Variants in PGCKA1 observed in about 807,000 individuals in gnomAD.
PGCKA1 encodes the protein PDCD10 and GCKIII kinases associated 1.
chr4:37,477,481 G>A, the PGCKA1 span, among the ~76,000 whole-genome samples: 5 of 152,188 alleles, frequency 3.3e-5, no homozygotes, highest in South Asian at 8.3e-4. Flanking sequence ...TTGTGGTAAC[G>A]GTGGCACAAC....
the PGCKA1 span, among the ~76,000 whole-genome samples, chr4:37,538,855 T>C: frequency 6.6e-6 from 1 of 152,218 alleles, no homozygotes; most frequent in African/African-American, 2.4e-5. Flanking sequence ...TGGCCTGTTA[T>C]AGTCAGCACT....
chr4:37,524,707 T>C, the PGCKA1 span, among the ~76,000 whole-genome samples: 35 of 152,318 alleles, frequency 2.3e-4, 1 homozygote, highest in Admixed American at 2.2e-3. Flanking sequence ...GGTGATAATT[T>C]CTTATGTGAT....
the PGCKA1 span, among the ~76,000 whole-genome samples, chr4:37,517,832 A>G: frequency 6.6e-6 from 1 of 152,334 alleles, no homozygotes; most frequent in South Asian, 2.1e-4. Context: ...CTCTTGTGCT[A>G]TCAAATATTA....
chr4:37,579,143 C>A, the PGCKA1 span, among the ~76,000 whole-genome samples: 48 of 151,840 alleles, frequency 3.2e-4, no homozygotes, highest in Middle Eastern at 6.8e-3. Context: ...GAAAAAAAAC[C>A]AAAAACAAAA....
At chr4:37,537,000 G>A in the PGCKA1 span, among the ~76,000 whole-genome samples, 2 of 152,206 alleles carry the variant, frequency 1.3e-5, no homozygotes, top group South Asian at 2.1e-4. Context: ...ATGGCAGCAG[G>A]GCCCTTGCCT....
the PGCKA1 span, among the ~76,000 whole-genome samples, chr4:37,544,317 G>A: frequency 2.6e-5 from 4 of 152,112 alleles, no homozygotes; most frequent in East Asian, 1.9e-4. Context: ...GATGTATGTT[G>A]ATTTTGATTC....
chr4:37,456,813 G>A, the PGCKA1 span, among the ~76,000 whole-genome samples: 21 of 152,224 alleles, frequency 1.4e-4, no homozygotes, highest in African/African-American at 4.8e-4. Context: ...GAATGAAACA[G>A]GAAAGATACA....
At chr4:37,454,309 C>CCAAG in the PGCKA1 span, among the ~76,000 whole-genome samples, 7 of 152,140 alleles carry the variant, frequency 4.6e-5, no homozygotes, top group African/African-American at 1.4e-4. Flanking sequence ...AAACCAAAGA[C>CCAAG]CAAGGCGTTT....
the PGCKA1 span, among the ~76,000 whole-genome samples, chr4:37,492,234 T>A: frequency 6.6e-6 from 1 of 152,134 alleles, no homozygotes; most frequent in African/African-American, 2.4e-5. This position sits in a 1 kb window ranked among gnomAD's most constrained non-coding sequence, Gnocchi z 4.7. Flanking sequence ...ATTTTTCTTT[T>A]ACCTCCATAG....
the PGCKA1 span, among the ~76,000 whole-genome samples, chr4:37,459,123 A>C: frequency 1.3e-5 from 2 of 152,162 alleles, no homozygotes; most frequent in African/African-American, 2.4e-5. Context: ...ACTAAGTATT[A>C]TACGGCTCAG....
chr4:37,469,817 T>A, the PGCKA1 span, among the ~76,000 whole-genome samples: 1 of 152,174 alleles, frequency 6.6e-6, no homozygotes, highest in Non-Finnish European at 1.5e-5. Context: ...GCTATTTGAG[T>A]CAGTCTGCTC....
At chr4:37,541,044 G>T in the PGCKA1 span, among the ~76,000 whole-genome samples, 3 of 147,970 alleles carry the variant, frequency 2.0e-5, no homozygotes, top group African/African-American at 7.5e-5. Context: ...TGTCTGCAGA[G>T]AAGTCCCAGG....
chr4:37,466,569 A>G, the PGCKA1 span, among the ~76,000 whole-genome samples: 1 of 152,216 alleles, frequency 6.6e-6, no homozygotes, highest in African/African-American at 2.4e-5. Context: ...GAAGAGATCA[A>G]TTAAGGGACT....
the PGCKA1 span, among the ~76,000 whole-genome samples, chr4:37,474,145 T>C: frequency 5.9e-5 from 9 of 152,278 alleles, no homozygotes; most frequent in South Asian, 6.2e-4. Context: ...AAGAGGTGAT[T>C]AGGTCACAAG....
the PGCKA1 span, among the ~76,000 whole-genome samples, chr4:37,464,628 T>C: frequency 0.52 from 78,707 of 151,952 alleles, 20,689 homozygotes; most frequent in African/African-American, 0.56. Flanking sequence ...CACCTTCTCC[T>C]GGCTCCCCTC....
chr4:37,592,458 T>C, the PGCKA1 span, among the ~76,000 whole-genome samples: 2 of 152,092 alleles, frequency 1.3e-5, no homozygotes, highest in East Asian at 3.8e-4. Flanking sequence ...TCAAACTTGA[T>C]GCCATAACTA....
chr4:37,584,039 G>A, the PGCKA1 span, among the ~76,000 whole-genome samples: 50 of 152,268 alleles, frequency 3.3e-4, no homozygotes, highest in African/African-American at 1.0e-3. Context: ...TGCTAGACCC[G>A]GAGCATTTCC....
chr4:37,515,111 G>A, the PGCKA1 span, among the ~76,000 whole-genome samples: 39 of 152,250 alleles, frequency 2.6e-4, no homozygotes, highest in African/African-American at 9.4e-4. Context: ...GAGGTGATTA[G>A]GTCATGAGAG....
the PGCKA1 span, among the ~76,000 whole-genome samples, chr4:37,543,379 T>C: frequency 1.3e-5 from 2 of 152,122 alleles, no homozygotes; most frequent in Non-Finnish European, 2.9e-5. Context: ...TGGATTACCA[T>C]TATATTTCCT....
Sources: allele counts gnomAD v4.1 joint callset (sites outside exome capture counted in the v4.1 genomes callset), GRCh38; gene constraint gnomAD v4.1.1; non-coding constraint Gnocchi (gnomAD v3.1); transcripts MANE v1.5; gene names NCBI Gene and HGNC (gene_info 2026-07-23, HGNC 2026-07-21).